PER3: variants seen among roughly 807,000 people sequenced by gnomAD.
PER3 encodes period circadian protein homolog 3.
In PER3, 107 loss-of-function variants were observed where a neutral mutation model predicts 127.2. The observed-to-expected ratio is 0.84, with a 90% CI of 0.72 to 0.99. The LOEUF is 0.99. PER3 is among the 50% of genes least tolerant of loss of function. The pLI, the probability that PER3 is intolerant of heterozygous loss-of-function variation, is 0.00. For missense variants in PER3, 1,560 were observed against 1,525.8 expected (o/e 1.02, Z -0.37); for synonymous variants, 618 against 585.8 (o/e 1.05, Z -0.79).
chr1:7,808,231 T>G (rs1481718429), intron 10 of PER3, among the ~76,000 whole-genome samples: 1 of 30,870 alleles, frequency 3.2e-5, no homozygotes. Context: ...AGACTCTGTC[T>G]CAAAAAAAAA....
chr1:7,785,357 AC>A, intron 2 of PER3, 83 bp from the exon 3 acceptor site: 1 of 1,085,450 alleles, frequency 9.2e-7, no homozygotes, highest in South Asian at 1.4e-5. Flanking sequence ...TTAGAAACTT[AC>A]CTGGCTTGCA....
At chr1:7,786,113 G>A (rs879698852) in intron 3 of PER3, among the ~76,000 whole-genome samples, 2 of 152,144 alleles carry the variant, frequency 1.3e-5, no homozygotes, top group African/African-American at 2.4e-5. Context: ...AAAATTAGCC[G>A]GGTGTGGTGG....
chr1:7,839,465 C>G (rs1397406983), intron 21 of PER3, among the ~76,000 whole-genome samples: 2 of 152,206 alleles, frequency 1.3e-5, no homozygotes, highest in Admixed American at 6.5e-5. Flanking sequence ...ATTGTCGTTG[C>G]AATCATAATA....
At chr1:7,825,253 T>G (rs1489017946) in intron 16 of PER3, among the ~76,000 whole-genome samples, 1 of 152,164 alleles carries the variant, frequency 6.6e-6, no homozygotes, top group Non-Finnish European at 1.5e-5. Flanking sequence ...CAAAATCTTT[T>G]GTTGTTAGAA....
chr1:7,803,980 G>A, intron 10 of PER3, 132 bp downstream of exon 10: 1 of 704,172 alleles, frequency 1.4e-6, no homozygotes, highest in Non-Finnish European at 2.4e-6. Flanking sequence ...GGTGCTTTGG[G>A]GAGACAGTTT....
At chr1:7,802,394 C>G (rs1043429761) in intron 8 of PER3, among the ~76,000 whole-genome samples, 3 of 152,124 alleles carry the variant, frequency 2.0e-5, no homozygotes, top group African/African-American at 7.2e-5. Context: ...TCCCAAATAA[C>G]TGAGATTACA....
At chr1:7,789,089 C>T (rs937254438) in intron 5 of PER3, among the ~76,000 whole-genome samples, 4 of 150,968 alleles carry the variant, frequency 2.6e-5, no homozygotes, top group African/African-American at 4.9e-5. Flanking sequence ...TCTTTTTAGT[C>T]ATCCTTCATT....
rs2097156588 is a variant in PER3 at position 7,798,655 on chromosome 1, A to T, written c.775A>T (p.Ile259Phe). ...EPCCLTVVEK[I>F]HSGYEAPRIP... The stretch of plus-strand genomic sequence containing the variant: ...TTGCTGTCTCACTGTGGTTGAAAAG[A>T]TTCACTCTGGTTATGAAGGTAAGTC... The change falls in exon 7 of 22, where the codon ATT becomes TTT. Residue 259 changes from isoleucine (I) to phenylalanine (F), a missense_variant. Coordinates refer to ENST00000377532, the MANE Select transcript of PER3 (RefSeq NM_001377275.1). The T allele has an allele frequency of 6.2e-7, 1 of 1,613,776 alleles. No homozygotes were observed. Among genetic ancestry groups the T allele is most frequent in the Non-Finnish European group, 8.5e-7 (1 of 1,179,758 alleles).
intron 3 of PER3, among the ~76,000 whole-genome samples, chr1:7,785,820 A>G (rs569104683): frequency 3.3e-4 from 51 of 152,370 alleles, no homozygotes; most frequent in Non-Finnish European, 5.0e-4. Context: ...TGTTTTGCTC[A>G]TGTGTTGCAA....
intron 10 of PER3, among the ~76,000 whole-genome samples, chr1:7,804,680 G>A (rs1023250458): frequency 3.3e-5 from 5 of 151,740 alleles, no homozygotes; most frequent in African/African-American, 1.2e-4. Context: ...AATTTTGAAG[G>A]TACGAGCCAC....
rs1309622913 is a variant in PER3 at position 7,843,817 on chromosome 1, T to A, written c.*1062T>A. 1 of 862,050 alleles carries A rather than the reference T, an allele frequency of 1.2e-6. No individual in the cohort carries two copies. The highest frequency in any genetic ancestry group is 1.8e-5 in the African/African-American group (1 of 54,520). 53.4% of individuals were successfully genotyped at this position (862,050 alleles called of 1,614,324 possible). On this transcript the variant is annotated 3_prime_UTR_variant, in exon 22 of 22. Transcript: ENST00000377532. ...GCAGGCTCCATCAGTCACCGCTTTC[T>A]ATGGCGTTTGTAGTTGTGTCTTTTA...
chr1:7,792,861 T>C (rs1429471731), intron 5 of PER3, among the ~76,000 whole-genome samples: 2 of 152,208 alleles, frequency 1.3e-5, no homozygotes, highest in African/African-American at 4.8e-5. Flanking sequence ...GTCTGCTGTC[T>C]TAGATCACGT....
intron 19 of PER3, among the ~76,000 whole-genome samples, chr1:7,834,032 C>T (rs985692347): frequency 2.0e-5 from 3 of 152,146 alleles, no homozygotes; most frequent in Non-Finnish European, 4.4e-5. Flanking sequence ...AAGCAATTCT[C>T]CTGCCTCTAC....
At chr1:7,799,610 C>CAAA (rs759699006) in intron 7 of PER3, among the ~76,000 whole-genome samples, 2 of 93,240 alleles carry the variant, frequency 2.1e-5, no homozygotes, top group African/African-American at 4.0e-5. Context: ...AACTCTGTCT[C>CAAA]AAAAAAAAAA....
In PER3 at chr1:7,827,827, T is replaced by C. The variant is rs577956824; in HGVS notation, c.2886+12T>C. The C allele has an allele frequency of 6.3e-7, 1 of 1,581,058 alleles. No homozygotes were observed. Among genetic ancestry groups the C allele is most frequent in the Non-Finnish European group, 8.6e-7 (1 of 1,156,080 alleles). Reference sequence around the variant, plus strand: ...CACAAACTGAGTATGTAAGTGATGCTCATTTTCAACACTCAAGTGAGAAAG... The same window carrying C: ...CACAAACTGAGTATGTAAGTGATGCCCATTTTCAACACTCAAGTGAGAAAG... On this transcript the variant is annotated intron_variant, in intron 18 of 21. Coordinates refer to ENST00000377532, the MANE Select transcript of PER3 (RefSeq NM_001377275.1).
In PER3 at chr1:7,820,727, C is replaced by G. The variant is rs17031606; in HGVS notation, c.1957+87C>G. 3.1e-3 allele frequency: 3,205 copies of G among 1,046,338 alleles called. 68 individuals carry two copies. In the African/African-American group the frequency reaches 0.04, roughly 13 times the overall value. The allele number at this position is 1,046,338 out of a possible 1,614,324, so 64.8% of individuals were successfully genotyped here. A position where few individuals can be genotyped will look rare whatever the true frequency, so the allele number is the denominator to read the frequency against. On this transcript the variant is annotated intron_variant, in intron 16 of 21. Coordinates refer to ENST00000377532, the MANE Select transcript of PER3 (RefSeq NM_001377275.1). ...ACAAAAGTCATGAATACCATTCGCTCGGTTGTAACTTCTAAACTACACATA... is the reference window on the plus strand; with the variant it reads ...ACAAAAGTCATGAATACCATTCGCTGGGTTGTAACTTCTAAACTACACATA...
intron 15 of PER3, 22 bp from the exon 16 acceptor site, chr1:7,820,445 T>G (rs1235672075): frequency 6.3e-7 from 1 of 1,587,176 alleles, no homozygotes; most frequent in African/African-American, 1.4e-5. Context: ...CTTTTCACTG[T>G]CAGTTTCTCT....
At chr1:7,842,119 A>G (rs951857250) in intron 21 of PER3, among the ~76,000 whole-genome samples, 3 of 152,218 alleles carry the variant, frequency 2.0e-5, no homozygotes, top group African/African-American at 7.2e-5. Flanking sequence ...ATAATCTTAC[A>G]AGACCACCAT....
In PER3 at chr1:7,784,798, T is replaced by C. The variant is rs1177063367; in HGVS notation, c.-80T>C. 6 of 1,351,482 alleles carry C rather than the reference T, an allele frequency of 4.4e-6. No homozygotes were observed. The highest frequency in any genetic ancestry group is 4.1e-5 in the Admixed American group (1 of 24,584). The allele number at this position is 1,351,482 out of a possible 1,614,324, so 83.7% of individuals were successfully genotyped here. ...CGGGGACCGGAGTGAGAAACCGGTG[T>C]CTGTCACTGACTGCAAAGTGAGCGA... On this transcript the variant is annotated 5_prime_UTR_variant, in exon 2 of 22. Coordinates refer to ENST00000377532, the MANE Select transcript of PER3 (RefSeq NM_001377275.1).
Sources: gnomAD v4.1 joint callset for allele counts (sites outside exome capture counted in the v4.1 genomes callset) on GRCh38, gnomAD v4.1.1 for gene constraint, MANE v1.5 for transcripts, NCBI Gene and HGNC (gene_info 2026-07-23, HGNC 2026-07-21) for gene names.